Variants in RPTOR observed in about 807,000 individuals in gnomAD.
RPTOR encodes the protein regulatory-associated protein of mTOR.
Under a neutral mutation model 169.9 loss-of-function variants are expected in RPTOR, and 21 were observed. The ratio of observed to expected loss-of-function variants is 0.12; its 90% CI spans 0.09 to 0.18. The LOEUF (loss-of-function observed/expected upper bound fraction) is 0.18. Ranked by LOEUF, RPTOR falls within the 10% of genes least tolerant of loss-of-function variation. The probability of loss-of-function intolerance (pLI) is 1.00; values close to 1 mark genes in which losing one functional copy is unlikely to be tolerated. For synonymous variants in RPTOR, 732 were observed against 753.2 expected (o/e 0.97, Z 0.46); for missense variants, 1,133 against 1,855.9 (o/e 0.61, Z 7.16).
chr17:80,652,031 G>C (rs1328618114), intron 3 of RPTOR, among the ~76,000 whole-genome samples: 2 of 150,262 alleles, frequency 1.3e-5, no homozygotes, highest in African/African-American at 2.5e-5. Flanking sequence ...TTAGCTGGGC[G>C]TGGTGGCGGG....
chr17:80,762,662 A>G (rs565566412), intron 6 of RPTOR, among the ~76,000 whole-genome samples: 6 of 152,392 alleles, frequency 3.9e-5, no homozygotes, highest in Admixed American at 2.6e-4. Flanking sequence ...TATAAAAAAT[A>G]TAATTGGTGA....
Position 80,545,626 on chromosome 17 carries a change from A to G in RPTOR, c.-4A>G. On this transcript the variant is annotated 5_prime_UTR_variant, in exon 1 of 34. Coordinates refer to ENST00000306801, the MANE Select transcript of RPTOR (RefSeq NM_020761.3). ...CAAGGACTCCCCCACCCCCTCCCCC[A>G]CTGATGGAGTCCGAAATGCTGCAAT... 8 of 1,606,232 alleles carry G rather than the reference A, an allele frequency of 5.0e-6. No homozygotes were observed. Among genetic ancestry groups the G allele is most frequent in the Non-Finnish European group, 6.8e-6 (8 of 1,176,064 alleles).
At chr17:80,951,745 G>A (rs2069181188) in intron 28 of RPTOR, among the ~76,000 whole-genome samples, 1 of 152,202 alleles carries the variant, frequency 6.6e-6, no homozygotes, top group Non-Finnish European at 1.5e-5. Context: ...AGGACGCTCG[G>A]GCCGAGGGAC....
At chr17:80,774,719 C>A (rs919016953) in intron 6 of RPTOR, among the ~76,000 whole-genome samples, 1 of 152,088 alleles carries the variant, frequency 6.6e-6, no homozygotes, top group South Asian at 2.1e-4. Context: ...TGGGGGCGGC[C>A]CCTGGGAAGC....
intron 9 of RPTOR, among the ~76,000 whole-genome samples, chr17:80,837,713 T>G (rs2067580055): frequency 6.6e-6 from 1 of 152,226 alleles, no homozygotes; most frequent in Admixed American, 6.5e-5. Flanking sequence ...GTTCCCGGCC[T>G]GCACTCTCTC....
chr17:80,818,876 T>G (rs989893904), intron 7 of RPTOR, among the ~76,000 whole-genome samples: 4 of 152,216 alleles, frequency 2.6e-5, no homozygotes, highest in African/African-American at 9.7e-5. Flanking sequence ...TCTTGATGGC[T>G]TGGCCATCCA....
chr17:80,616,298 CTTTTTT>C lies in RPTOR; in HGVS notation c.163-9377_163-9372del, dbSNP rs201229448. Among the ~76,000 whole-genome samples the C allele has an allele frequency of 3.3e-3, 369 of 113,306 alleles. 2 individuals carry two copies. The highest frequency in any genetic ancestry group is 0.014 in the African/African-American group (364 of 26,210). The allele number at this position is 113,306 out of a possible 152,430, so 74.3% of individuals were successfully genotyped here. ...AATCCATTTATTGAAAATTGAAAAT[CTTTTTT>C]TTTTTTTTTTTTTTTGAGACGGAGT... On this transcript the variant is annotated intron_variant, in intron 1 of 33. Coordinates refer to ENST00000306801, the MANE Select transcript of RPTOR (RefSeq NM_020761.3).
At chr17:80,783,348 A>G (rs1240784596) in intron 6 of RPTOR, among the ~76,000 whole-genome samples, 2 of 152,244 alleles carry the variant, frequency 1.3e-5, no homozygotes, top group African/African-American at 4.8e-5. Flanking sequence ...TGAGAGGATG[A>G]TAAAGTGAAC....
At chr17:80,822,907 ATGTT>A (rs752639366) in intron 8 of RPTOR, among the ~76,000 whole-genome samples, 168 bp from the exon 9 acceptor site, 6 of 151,972 alleles carry the variant, frequency 3.9e-5, no homozygotes, top group Non-Finnish European at 5.9e-5. Context: ...ACGTGTGTGT[ATGTT>A]TAAGTGTGTG....
At chr17:80,656,967 T>C (rs1228400831) in intron 3 of RPTOR, among the ~76,000 whole-genome samples, 2 of 152,228 alleles carry the variant, frequency 1.3e-5, no homozygotes, top group Admixed American at 1.3e-4. Context: ...TTTGCCTTTG[T>C]TTACCAGCAT....
At chr17:80,650,017 G>T (rs761476092) in intron 3 of RPTOR, among the ~76,000 whole-genome samples, 6 of 152,218 alleles carry the variant, frequency 3.9e-5, no homozygotes, top group Non-Finnish European at 5.9e-5. Context: ...GAGCATAAAG[G>T]TGTTGTCACC....
In RPTOR at chr17:80,864,312, A is replaced by G. The variant is rs144938963; in HGVS notation, c.1509+6412A>G. Reference sequence around the variant, plus strand: ...TTCTTACAGATTTCCTACAGATGGAAAAGGTGAGAGTGACGGCAGGTTTCT... The same window carrying G: ...TTCTTACAGATTTCCTACAGATGGAGAAGGTGAGAGTGACGGCAGGTTTCT... On this transcript the variant is annotated intron_variant, in intron 13 of 33. Coordinates refer to ENST00000306801, the MANE Select transcript of RPTOR (RefSeq NM_020761.3). 9.5e-4 allele frequency among the ~76,000 whole-genome samples: 139 copies of G among 145,894 alleles called. 3 individuals carry two copies. The highest frequency in any genetic ancestry group is 2.8e-3 in the African/African-American group (111 of 39,574).
At position 80,965,199 on chromosome 17, in the gene RPTOR, C is replaced by A; in HGVS notation, c.*869C>A. ...AGCAGCCCGACCTGTGGTCTCCATG[C>A]CTGTGCCCTCACACAGGTGTAGCAC... is the stretch of plus-strand genomic sequence containing the variant. On this transcript the variant is annotated 3_prime_UTR_variant, in exon 34 of 34. Coordinates refer to ENST00000306801, the MANE Select transcript of RPTOR (RefSeq NM_020761.3). 8.6e-6 allele frequency: 2 copies of A among 233,346 alleles called. No homozygotes were observed. The highest frequency in any genetic ancestry group is 1.7e-5 in the Non-Finnish European group (2 of 118,060). 14.5% of individuals were successfully genotyped at this position (233,346 alleles called of 1,614,324 possible).
chr17:80,920,618 G>A (rs1399486975), intron 21 of RPTOR, among the ~76,000 whole-genome samples: 1 of 152,256 alleles, frequency 6.6e-6, no homozygotes, highest in Non-Finnish European at 1.5e-5. Flanking sequence ...AGGGTGGCAA[G>A]GCGGGAGCTG....
intron 10 of RPTOR, among the ~76,000 whole-genome samples, chr17:80,841,982 G>A (rs1334545241): frequency 4.7e-5 from 7 of 148,956 alleles, no homozygotes; most frequent in Admixed American, 1.3e-4. Flanking sequence ...TCACCGCACC[G>A]CAGCTCACTC....
chr17:80,918,240 G>A (rs980038299), intron 21 of RPTOR, among the ~76,000 whole-genome samples: 4 of 152,320 alleles, frequency 2.6e-5, no homozygotes, highest in East Asian at 1.9e-4. Flanking sequence ...ATGCTGGCCC[G>A]TGGGCCCCTG....
intron 1 of RPTOR, among the ~76,000 whole-genome samples, chr17:80,618,972 C>G (rs552057095): frequency 3.4e-4 from 52 of 152,274 alleles, no homozygotes; most frequent in African/African-American, 1.1e-3. Context: ...AACTTGGTTA[C>G]CCGCCTCCCC....
At chr17:80,759,518 T>C (rs1041060180) in intron 6 of RPTOR, among the ~76,000 whole-genome samples, 1 of 152,320 alleles carries the variant, frequency 6.6e-6, no homozygotes, top group Admixed American at 6.5e-5. Context: ...GGCGGCTCTT[T>C]TACAATAAAC....
At chr17:80,585,192 T>C (rs1209245868) in intron 1 of RPTOR, among the ~76,000 whole-genome samples, 1 of 148,550 alleles carries the variant, frequency 6.7e-6, no homozygotes, top group East Asian at 2.0e-4. Context: ...TTATTATTAT[T>C]ATTATTATTA....
Sources: allele counts gnomAD v4.1 joint callset (sites outside exome capture counted in the v4.1 genomes callset), GRCh38; gene constraint gnomAD v4.1.1; transcripts MANE v1.5; gene names NCBI Gene and HGNC (gene_info 2026-07-23, HGNC 2026-07-21).